The following NSMAF variants were observed in gnomAD, a reference collection of about 807,000 sequenced individuals.
NSMAF encodes the protein protein FAN.
Under a neutral mutation model 134.9 loss-of-function variants are expected in NSMAF, and 90 were observed. The ratio of observed to expected loss-of-function variants is 0.67; its 90% CI spans 0.56 to 0.79. NSMAF has a LOEUF of 0.79. Ranked by LOEUF, NSMAF falls within the 30% of genes least tolerant of loss-of-function variation. NSMAF has a pLI of 0.00. For missense variants in NSMAF, 1,010 were observed against 1,119.0 expected (o/e 0.90, Z 1.39); for synonymous variants, 358 against 389.6 (o/e 0.92, Z 0.96).
intron 6 of NSMAF, among the ~76,000 whole-genome samples, chr8:58,629,963 A>G (rs1807019955): frequency 6.6e-6 from 1 of 152,144 alleles, no homozygotes. Flanking sequence ...GTACTCTGAG[A>G]CAGAAGAGAC....
chr8:58,646,010 C>T (rs553120726), intron 1 of NSMAF, among the ~76,000 whole-genome samples: 54 of 152,332 alleles, frequency 3.5e-4, no homozygotes, highest in African/African-American at 1.1e-3. Context: ...CACTGCACTC[C>T]AGCCTAGGCA....
intron 22 of NSMAF, 39 bp downstream of exon 22, chr8:58,595,521 G>T: frequency 7.0e-7 from 1 of 1,435,912 alleles, no homozygotes; most frequent in Non-Finnish European, 9.8e-7. Flanking sequence ...ACTTTTACCA[G>T]GACTATCAGC....
At position 58,597,399 on chromosome 8, in the gene NSMAF, C is replaced by A. The variant is rs1244094444; in HGVS notation, c.1780G>T (p.Ala594Ser). The change falls in exon 21 of 31, where the codon GCA (alanine) becomes TCA (serine). Residue 594 changes from alanine (A) to serine (S), a missense_variant. Transcript: ENST00000038176. ...SQTSSYNASM[A>S]DSPGEESFED... Reference sequence around the variant, plus strand: ...TTACAAAATTTACCTGGGGAATCTGCCATAGAAGCATTATAACTGGAGGTC... The same window carrying A: ...TTACAAAATTTACCTGGGGAATCTGACATAGAAGCATTATAACTGGAGGTC... The A allele has an allele frequency of 6.2e-7, 1 of 1,613,934 alleles. No homozygotes were observed. The highest frequency in any genetic ancestry group is 8.5e-7 in the Non-Finnish European group (1 of 1,179,872).
At chr8:58,635,275 T>C (rs771699587) in intron 4 of NSMAF, 30 bp downstream of exon 4, 5 of 1,608,688 alleles carry the variant, frequency 3.1e-6, no homozygotes, top group Non-Finnish European at 4.2e-6. Context: ...TTGGTTGAAG[T>C]AAAATTAAAC....
chr8:58,589,538 T>A lies in NSMAF; in HGVS notation c.2125A>T (p.Thr709Ser). The change falls in exon 26 of 31, where the codon ACG becomes TCG. Residue 709 changes from threonine to serine, a missense_variant. Transcript: ENST00000038176. Reference sequence around the variant, plus strand: ...ACAGCATCATCATGTCCCATTAACGTGTCCTGGCGTCTTCCAAATGCTATG... The same window carrying A: ...ACAGCATCATCATGTCCCATTAACGAGTCCTGGCGTCTTCCAAATGCTATG... ...YSIAFGRRQD[T>S]LMGHDDAVSK... 1 of 1,572,678 alleles carries A rather than the reference T, an allele frequency of 6.4e-7. No individual in the cohort carries two copies. Among genetic ancestry groups the A allele is most frequent in the Non-Finnish European group, 8.6e-7 (1 of 1,167,750 alleles).
intron 26 of NSMAF, 78 bp from the exon 27 acceptor site, chr8:58,587,779 C>A: frequency 8.3e-7 from 1 of 1,208,982 alleles, no homozygotes. Flanking sequence ...AAGAAAAACT[C>A]CTATGCTCAA....
In NSMAF at chr8:58,584,105, C is replaced by T. The variant is rs779505323; in HGVS notation, c.*1G>A. On this transcript the variant is annotated 3_prime_UTR_variant, in exon 31 of 31. Coordinates refer to ENST00000038176, the MANE Select transcript of NSMAF (RefSeq NM_003580.4). The stretch of plus-strand genomic sequence containing the variant: ...TTAATATTCAGGAGAGGAAAAGGCA[C>T]TTAATACTGCAATTTCCAGAATATA... The T allele has an allele frequency of 1.2e-5, 20 of 1,607,482 alleles. No homozygotes were observed. In the Middle Eastern group the frequency reaches 5.0e-4, roughly 40 times the overall value.
At chr8:58,627,713 G>A (rs1216361106) in intron 6 of NSMAF, among the ~76,000 whole-genome samples, 3 of 152,180 alleles carry the variant, frequency 2.0e-5, no homozygotes, top group African/African-American at 7.2e-5. Flanking sequence ...AGAAATCATA[G>A]ATGACACAAA....
At chr8:58,599,621 A>G in intron 18 of NSMAF, 129 bp downstream of exon 18, 1 of 1,042,736 alleles carries the variant, frequency 9.6e-7, no homozygotes, top group South Asian at 1.6e-5. Flanking sequence ...GATATGGAAT[A>G]GGGCTCATAT....
chr8:58,617,468 AAAAC>A (rs1327453895), intron 9 of NSMAF, among the ~76,000 whole-genome samples: 14 of 152,242 alleles, frequency 9.2e-5, no homozygotes, highest in African/African-American at 2.9e-4. Context: ...TTACAAGAAA[AAAAC>A]AAACAAACCC....
At position 58,585,900 on chromosome 8, in the gene NSMAF, C is replaced by A; in HGVS notation, c.2547G>T (p.Gln849His). The change falls in exon 29 of 31, where the codon CAG becomes CAT. Residue 849 changes from glutamine (Q) to histidine (H), a missense_variant and splice_region_variant. By Grantham distance (24) the Gln-to-His change is conservative. Coordinates refer to ENST00000038176, the MANE Select transcript of NSMAF (RefSeq NM_003580.4). The part of the protein sequence containing the change: ...LISSMTSDEP[Q>H]RCFVWDGNSV... ...CCCCAGTAACTCACAAACTATACCT[C>A]TGGGGCTCATCTGATGTCATGGAGG... 1 of 1,612,942 alleles carries A rather than the reference C, an allele frequency of 6.2e-7. No homozygotes were observed. The highest frequency in any genetic ancestry group is 8.5e-7 in the Non-Finnish European group (1 of 1,179,122).
chr8:58,608,795 T>C (rs866255659), intron 10 of NSMAF, among the ~76,000 whole-genome samples: 1 of 151,784 alleles, frequency 6.6e-6, no homozygotes, highest in South Asian at 2.1e-4. Flanking sequence ...CTCAGGAGAG[T>C]TTGAGATGTT....
chr8:58,617,733 C>A lies in NSMAF; in HGVS notation c.557+5487G>T, dbSNP rs1381394082. On this transcript the variant is annotated intron_variant, in intron 9 of 30. Transcript: ENST00000038176. The stretch of plus-strand genomic sequence containing the variant: ...TGGTGGGAGTGTAAATTAGTTCAAC[C>A]ATTGTGGAAGACAGTGTGGCGATTC... Among the ~76,000 whole-genome samples the A allele has an allele frequency of 5.9e-5, 9 of 152,232 alleles. 1 individual carries two copies. In the East Asian group the frequency reaches 1.2e-3, roughly 20 times the overall value.
chr8:58,585,394 A>G (rs1389762812), intron 30 of NSMAF, among the ~76,000 whole-genome samples: 1 of 151,478 alleles, frequency 6.6e-6, no homozygotes, highest in Non-Finnish European at 1.5e-5. Context: ...TAATAGCTTT[A>G]CGATGGTTTT....
intron 20 of NSMAF, 61 bp downstream of exon 20, chr8:58,597,799 T>TA (rs1806173964): frequency 8.5e-7 from 1 of 1,177,658 alleles, no homozygotes; most frequent in African/African-American, 1.5e-5. Context: ...AATACATTAA[T>TA]AATTTAGATA....
chr8:58,608,673 A>AT (rs1806460288), intron 10 of NSMAF, among the ~76,000 whole-genome samples: 2 of 152,180 alleles, frequency 1.3e-5, no homozygotes, highest in South Asian at 4.1e-4. Context: ...AGCCAAGCCA[A>AT]TTTTTTACAC....
chr8:58,637,303 TC>T (rs1206706362), intron 2 of NSMAF: 4 of 455,690 alleles, frequency 8.8e-6, no homozygotes, highest in Non-Finnish European at 1.8e-5. Flanking sequence ...ATCAGCAATT[TC>T]TCCAAAGAAC....
chr8:58,612,891 A>G (rs1214647389), intron 9 of NSMAF, among the ~76,000 whole-genome samples: 1 of 152,148 alleles, frequency 6.6e-6, no homozygotes, highest in Non-Finnish European at 1.5e-5. Context: ...AGCAATTCAA[A>G]TCATGGGGCT....
chr8:58,586,396 ATT>A (rs1805885524), intron 28 of NSMAF, 60 bp downstream of exon 28: 1 of 1,421,826 alleles, frequency 7.0e-7, no homozygotes, highest in East Asian at 2.4e-5. Context: ...AATTAACAAT[ATT>A]GTTTATTTCA....
Sources: gnomAD v4.1 joint callset for allele counts (sites outside exome capture counted in the v4.1 genomes callset) on GRCh38, gnomAD v4.1.1 for gene constraint, MANE v1.5 for transcripts, NCBI Gene and HGNC (gene_info 2026-07-23, HGNC 2026-07-21) for gene names.